Variants in AUTS2 observed in about 807,000 individuals in gnomAD.
AUTS2 encodes the protein autism susceptibility gene 2 protein.
Under a neutral mutation model 112.4 loss-of-function variants are expected in AUTS2, and 17 were observed. The ratio of observed to expected loss-of-function variants is 0.15; its 90% confidence interval spans 0.10 to 0.23. The LOEUF (loss-of-function observed/expected upper bound fraction) is 0.23. Among genes scored for constraint, AUTS2 ranks in the 10% least tolerant of loss-of-function variants. The probability of loss-of-function intolerance (pLI) is 1.00; values close to 1 mark genes in which losing one functional copy is unlikely to be tolerated. For synonymous variants in AUTS2, 751 were observed against 702.7 expected, an observed-to-expected ratio of 1.07 and a Z score of -1.09; for missense variants, 1,510 against 1,701.6, an observed-to-expected ratio of 0.89 and a Z score of 1.98.
At chr7:70,310,922 T>A (rs894092938) in intron 4 of AUTS2, among the ~76,000 whole-genome samples, 5 of 152,186 alleles carry the variant, frequency 3.3e-5, no homozygotes, top group Non-Finnish European at 5.9e-5. Context: ...TGGATTTTTT[T>A]AAAAAATGGC....
intron 4 of AUTS2, among the ~76,000 whole-genome samples, chr7:70,227,231 A>G (rs1811811542): frequency 1.3e-5 from 2 of 152,096 alleles, no homozygotes; most frequent in Non-Finnish European, 2.9e-5. Flanking sequence ...ATTAGAAAAT[A>G]TAAATAATAC....
At chr7:70,457,326 C>T (rs1475591658) in intron 5 of AUTS2, among the ~76,000 whole-genome samples, 1 of 152,182 alleles carries the variant, frequency 6.6e-6, no homozygotes, top group East Asian at 1.9e-4. Context: ...ACAGGTGGTG[C>T]TTAGTAGCCA....
chr7:70,783,116 G>C (rs1323228753), intron 15 of AUTS2: 1 of 152,172 alleles, frequency 6.6e-6, no homozygotes, highest in African/African-American at 2.4e-5. Flanking sequence ...AGGCACCCCT[G>C]GGGGCCCTGG....
intron 4 of AUTS2, among the ~76,000 whole-genome samples, chr7:70,365,968 G>A (rs1186630013): frequency 1.3e-5 from 2 of 152,196 alleles, no homozygotes; most frequent in African/African-American, 4.8e-5. Context: ...GATTGGTTTA[G>A]GAGACATCTT....
intron 1 of AUTS2, among the ~76,000 whole-genome samples, chr7:69,658,752 G>A (rs1007149187): frequency 6.6e-6 from 1 of 152,088 alleles, no homozygotes; most frequent in South Asian, 2.1e-4. Context: ...ATTTCTTATA[G>A]ACATCAGTAT....
intron 4 of AUTS2, among the ~76,000 whole-genome samples, chr7:70,168,681 G>A (rs1461587255): frequency 6.6e-6 from 1 of 152,130 alleles, no homozygotes; most frequent in African/African-American, 2.4e-5. Flanking sequence ...TAATAAAATA[G>A]CAGTAAGAGT....
At chr7:70,134,637 C>T in intron 4 of AUTS2, 66 bp downstream of exon 4, 3 of 1,416,404 alleles carry the variant, frequency 2.1e-6, no homozygotes, top group Non-Finnish European at 1.0e-6. Context: ...ATAATGAATG[C>T]TCATTGGGAT....
intron 1 of AUTS2, among the ~76,000 whole-genome samples, chr7:69,753,823 T>G (rs950820010): frequency 6.6e-6 from 1 of 152,196 alleles, no homozygotes; most frequent in African/African-American, 2.4e-5. Flanking sequence ...GCTCCCAGGA[T>G]TTCTGGAAGA....
chr7:70,098,602 A>G (rs745550717), intron 2 of AUTS2, among the ~76,000 whole-genome samples: 3 of 152,044 alleles, frequency 2.0e-5, no homozygotes, highest in African/African-American at 4.8e-5. Context: ...AAGGAAAGGG[A>G]TGATTTTTTA....
At chr7:70,191,275 C>T (rs1005851811) in intron 4 of AUTS2, among the ~76,000 whole-genome samples, 1 of 146,398 alleles carries the variant, frequency 6.8e-6, no homozygotes, top group African/African-American at 2.5e-5. Flanking sequence ...TTACACCATT[C>T]TCCCACCTCA....
intron 2 of AUTS2, among the ~76,000 whole-genome samples, chr7:69,927,087 G>T (rs887999558): frequency 6.8e-6 from 1 of 147,320 alleles, no homozygotes; most frequent in Admixed American, 6.8e-5. Flanking sequence ...CCACAAGGCC[G>T]CAAGAAAGAG....
intron 1 of AUTS2, among the ~76,000 whole-genome samples, chr7:69,754,985 G>T (rs1279219225): frequency 3.3e-5 from 5 of 152,158 alleles, no homozygotes; most frequent in African/African-American, 7.2e-5. Flanking sequence ...AAATAACTTT[G>T]TAAGGACTAG....
At chr7:70,562,279 C>T (rs983103276) in intron 5 of AUTS2, among the ~76,000 whole-genome samples, 1 of 152,218 alleles carries the variant, frequency 6.6e-6, no homozygotes, top group Non-Finnish European at 1.5e-5. Context: ...ATAGATTAGA[C>T]CACTTGGTTA....
chr7:69,676,003 A>G (rs752457668), intron 1 of AUTS2, among the ~76,000 whole-genome samples: 1 of 152,214 alleles, frequency 6.6e-6, no homozygotes, highest in Non-Finnish European at 1.5e-5. Context: ...GGTAAGCTGC[A>G]GGTAGACAGG....
intron 1 of AUTS2, among the ~76,000 whole-genome samples, chr7:69,642,091 G>T (rs574770644): frequency 6.6e-6 from 1 of 152,294 alleles, no homozygotes; most frequent in East Asian, 1.9e-4. Flanking sequence ...GTCTTCTAAT[G>T]CAGACATTCC....
Position 70,362,157 on chromosome 7 carries a change from G to C in AUTS2, c.661-73595G>C, listed in dbSNP as rs1792298578. Among the ~76,000 whole-genome samples the C allele has an allele frequency of 2.0e-5, 3 of 152,208 alleles. No individual in the cohort carries two copies. The South Asian group carries it at 6.2e-4, about 32-fold the overall frequency. On this transcript the variant is annotated intron_variant, in intron 4 of 18. Coordinates refer to ENST00000342771, the MANE Select transcript of AUTS2 (RefSeq NM_015570.4). ...ACTTACTACTTCCATCAGCAGGAATGGTTCCTTTTAACATCAGATTGGGTG... is the reference window on the plus strand; with the variant it reads ...ACTTACTACTTCCATCAGCAGGAATCGTTCCTTTTAACATCAGATTGGGTG...
chr7:70,781,376 A>AC (rs1160509160), intron 14 of AUTS2: 4 of 350,398 alleles, frequency 1.1e-5, no homozygotes, highest in Non-Finnish European at 2.0e-5. Flanking sequence ...AAAAAAAAAA[A>AC]AAAAAAAACC....
At chr7:69,867,111 C>T (rs886824286) in intron 1 of AUTS2, among the ~76,000 whole-genome samples, 7 of 152,272 alleles carry the variant, frequency 4.6e-5, no homozygotes, top group African/African-American at 1.7e-4. Flanking sequence ...GATGAAGGAG[C>T]AGTGAGAATT....
chr7:69,912,776 A>G (rs1287250121), intron 2 of AUTS2, among the ~76,000 whole-genome samples: 1 of 152,160 alleles, frequency 6.6e-6, no homozygotes, highest in Non-Finnish European at 1.5e-5. Context: ...TGACCCAGCC[A>G]GGATTGCATG....
Sources: gnomAD v4.1 joint callset for allele counts (sites outside exome capture counted in the v4.1 genomes callset) on GRCh38, gnomAD v4.1.1 for gene constraint, MANE v1.5 for transcripts, NCBI Gene and HGNC (gene_info 2026-07-23, HGNC 2026-07-21) for gene names.